The following DTD1 variants were observed in gnomAD, a reference collection of about 807,000 sequenced individuals.
The protein encoded by DTD1 is D-tyrosyl-tRNA deacylase 1 homolog.
A neutral mutation model predicts 25.6 loss-of-function variants in DTD1; 13 were observed. The observed-to-expected ratio is 0.51, with a 90% CI of 0.33 to 0.81. DTD1 has a LOEUF of 0.81. Among genes scored for constraint, DTD1 ranks in the 30% least tolerant of loss-of-function variants. The probability of loss-of-function intolerance (pLI) is 0.02; values close to 1 mark genes in which losing one functional copy is unlikely to be tolerated. For synonymous variants in DTD1, 110 were observed against 103.6 expected (o/e 1.06, Z -0.37); for missense variants, 193 against 266.4 (o/e 0.72, Z 1.92).
chr20:18,651,959 A>G (rs1006245934), intron 4 of DTD1, among the ~76,000 whole-genome samples: 3 of 152,208 alleles, frequency 2.0e-5, no homozygotes, highest in Admixed American at 2.0e-4. Context: ...GTATGTGTCC[A>G]GAGGATGAGA....
chr20:18,589,803 G>C (rs1406722792), intron 1 of DTD1, among the ~76,000 whole-genome samples: 1 of 152,094 alleles, frequency 6.6e-6, no homozygotes, highest in East Asian at 1.9e-4. Flanking sequence ...GGTTATTTTG[G>C]TTCACTATTT....
In DTD1 at chr20:18,628,257, G is replaced by A. The variant is rs759024818; in HGVS notation, c.477+24G>A. ...AGGTAAGCCTGGAGTCTGGTGCCTG[G>A]CTCCGTCCCTTGGGTGCCTGTAACA... On this transcript the variant is annotated intron_variant, in intron 4 of 5. Transcript: ENST00000377452. 8.2e-6 allele frequency: 13 copies of A among 1,592,684 alleles called. No individual in the cohort carries two copies. The Middle Eastern group carries it at 5.1e-4, about 63-fold the overall frequency.
intron 5 of DTD1, among the ~76,000 whole-genome samples, chr20:18,752,646 T>G (rs2061325075): frequency 6.6e-6 from 1 of 152,246 alleles, no homozygotes; most frequent in African/African-American, 2.4e-5. Flanking sequence ...AAAAGTTCCC[T>G]GTCTGATAAT....
intron 4 of DTD1, among the ~76,000 whole-genome samples, chr20:18,701,596 G>T (rs563947555): frequency 6.6e-6 from 1 of 152,196 alleles, no homozygotes; most frequent in Admixed American, 6.5e-5. Context: ...TGCACTATGT[G>T]AGCTGAATGC....
rs551161953 is a variant in DTD1, at chr20:18,720,865, AT to A, written c.478-23226del. ...AGAGTGAAACCCTGTCTCAAAAAAA[AT>A]TTTTTTTTGTTAACATGTAAAGTAT... is the stretch of plus-strand genomic sequence containing the variant. On this transcript the variant is annotated intron_variant, in intron 4 of 5. Coordinates refer to ENST00000377452, the MANE Select transcript of DTD1 (RefSeq NM_080820.6). Among the ~76,000 whole-genome samples, 1,256 of 151,894 alleles carry A rather than the reference AT, an allele frequency of 8.3e-3. 18 individuals carry two copies. Among genetic ancestry groups the A allele is most frequent in the Non-Finnish European group, 0.01 (710 of 67,926 alleles).
chr20:18,739,631 G>A (rs181587943), intron 4 of DTD1, among the ~76,000 whole-genome samples: 61 of 152,216 alleles, frequency 4.0e-4, no homozygotes, highest in Non-Finnish European at 7.4e-4. Flanking sequence ...GACCTGTAGT[G>A]GTTTATATTC....
chr20:18,664,536 G>A (rs2060924218), intron 4 of DTD1, among the ~76,000 whole-genome samples: 1 of 152,188 alleles, frequency 6.6e-6, no homozygotes, highest in Non-Finnish European at 1.5e-5. Flanking sequence ...AGATTCTGCG[G>A]TGATGCTGTC....
chr20:18,734,212 C>T (rs775025610), intron 4 of DTD1, among the ~76,000 whole-genome samples: 3 of 152,206 alleles, frequency 2.0e-5, no homozygotes, highest in African/African-American at 4.8e-5. Context: ...CTGCAGGTTG[C>T]CTCCTCCTTC....
intron 4 of DTD1, among the ~76,000 whole-genome samples, chr20:18,672,295 AT>A (rs888891381): frequency 7.2e-5 from 11 of 152,302 alleles, no homozygotes; most frequent in Non-Finnish European, 1.2e-4. Flanking sequence ...TAAAAAAAAA[AT>A]CAACCTGTTT....
chr20:18,721,703 GT>G (rs1297444793), intron 4 of DTD1, among the ~76,000 whole-genome samples: 4 of 152,000 alleles, frequency 2.6e-5, no homozygotes, highest in East Asian at 3.9e-4. Flanking sequence ...CTTGTGGGAA[GT>G]TTTTTTTCCT....
At chr20:18,588,802 TCACTC>T in intron 1 of DTD1, 1 of 985,352 alleles carries the variant, frequency 1.0e-6, no homozygotes, top group South Asian at 4.7e-5. Context: ...CCCCTGGTCA[TCACTC>T]AGCACTTTCG....
At chr20:18,722,561 G>A (rs1208293981) in intron 4 of DTD1, among the ~76,000 whole-genome samples, 1 of 152,150 alleles carries the variant, frequency 6.6e-6, no homozygotes, top group African/African-American at 2.4e-5. Context: ...GGTTCATTTG[G>A]CTTAGATGGA....
chr20:18,678,888 C>A (rs1361684905), intron 4 of DTD1: 1 of 152,098 alleles, frequency 6.6e-6, no homozygotes, highest in East Asian at 1.9e-4. Context: ...ATCAGTAGAC[C>A]CTGCCGGACA....
intron 4 of DTD1, among the ~76,000 whole-genome samples, chr20:18,699,552 G>C (rs1433373455): frequency 6.6e-6 from 1 of 152,230 alleles, no homozygotes; most frequent in East Asian, 1.9e-4. Context: ...TCATCTGTTA[G>C]AGGTGGTCAT....
chr20:18,589,428 C>T (rs1005365407), intron 1 of DTD1, among the ~76,000 whole-genome samples: 1 of 152,012 alleles, frequency 6.6e-6, no homozygotes, highest in Non-Finnish European at 1.5e-5. Context: ...AAAGAAACAA[C>T]CAAACCCACC....
chr20:18,714,846 C>T lies in DTD1; in HGVS notation c.478-29254C>T, dbSNP rs4814781. Among the ~76,000 whole-genome samples the T allele has an allele frequency of 2.4e-3, 372 of 152,288 alleles. 7 individuals carry two copies. The highest frequency in any genetic ancestry group is 0.02 in the Admixed American group (303 of 15,296). ...GAAGATTTCTTTCAATAGGTGATAC[C>T]TTCAGTACCCCAAGGAGAAACTGGG... On this transcript the variant is annotated intron_variant, in intron 4 of 5. Transcript: ENST00000377452.
At chr20:18,600,829 A>G (rs980305898) in intron 3 of DTD1, among the ~76,000 whole-genome samples, 2 of 152,060 alleles carry the variant, frequency 1.3e-5, no homozygotes, top group Non-Finnish European at 2.9e-5. Flanking sequence ...TAAGATTTAT[A>G]CCTAAGTGTT....
intron 3 of DTD1, among the ~76,000 whole-genome samples, chr20:18,625,068 A>G (rs1205255108): frequency 6.6e-6 from 1 of 152,110 alleles, no homozygotes; most frequent in Non-Finnish European, 1.5e-5. Context: ...CAAGAAATGA[A>G]TCTGTTGTAG....
intron 4 of DTD1, among the ~76,000 whole-genome samples, chr20:18,677,096 A>G (rs935955705): frequency 1.3e-5 from 2 of 152,202 alleles, no homozygotes; most frequent in African/African-American, 4.8e-5. Flanking sequence ...TCTCTTGTGA[A>G]CTTTATGAGC....
Sources: gnomAD v4.1 joint callset for allele counts (sites outside exome capture counted in the v4.1 genomes callset) on GRCh38, gnomAD v4.1.1 for gene constraint, MANE v1.5 for transcripts, NCBI Gene and HGNC (gene_info 2026-07-23, HGNC 2026-07-21) for gene names.